The following ACSF2 variants were observed in gnomAD, a reference collection of about 807,000 sequenced individuals.
ACSF2 encodes acyl-CoA synthetase family member 2, also known as medium-chain acyl-CoA ligase ACSF2, mitochondrial.
A neutral mutation model predicts 79.3 loss-of-function variants in ACSF2; 52 were observed. That is an observed-to-expected ratio of 0.66 (90% CI 0.53 to 0.83). The LOEUF is 0.83. Among genes scored for constraint, ACSF2 ranks in the 40% least tolerant of loss-of-function variants. The pLI is 0.00. For synonymous variants in ACSF2, 283 were observed against 312.6 expected (o/e 0.91, Z 1.00); for missense variants, 661 against 803.3 (o/e 0.82, Z 2.14).
intron 3 of ACSF2, 67 bp from the exon 4 acceptor site, chr17:50,461,566 G>C: frequency 6.2e-7 from 1 of 1,609,030 alleles, no homozygotes; most frequent in East Asian, 2.2e-5. Flanking sequence ...GCCTCCTGGG[G>C]GCGGAGGGGC....
chr17:50,465,378 C>G (rs1223879895), intron 10 of ACSF2: 6 of 1,613,854 alleles, frequency 3.7e-6, no homozygotes, highest in Middle Eastern at 1.6e-4. Flanking sequence ...ATGTGCTGGC[C>G]CTTGAACTTG....
At chr17:50,436,035 A>G (rs947820734) in intron 1 of ACSF2, among the ~76,000 whole-genome samples, 1 of 151,976 alleles carries the variant, frequency 6.6e-6, no homozygotes, top group Non-Finnish European at 1.5e-5. Flanking sequence ...TTTTTTTTAC[A>G]CTTAAGTCTG....
chr17:50,439,232 C>CA (rs1296228793), intron 1 of ACSF2, among the ~76,000 whole-genome samples: 6 of 96,464 alleles, frequency 6.2e-5, no homozygotes, highest in African/African-American at 1.9e-4. Flanking sequence ...TACCACACAG[C>CA]TTTTTTTTTT....
At position 50,464,971 on chromosome 17, in the gene ACSF2, G is replaced by A. The variant is rs370271855; in HGVS notation, c.1215+677G>A. 5.3e-4 allele frequency: 203 copies of A among 380,136 alleles called. 1 individual carries two copies. Among genetic ancestry groups the A allele is most frequent in the African/African-American group, 3.8e-3 (182 of 48,422 alleles). 23.5% of individuals were successfully genotyped at this position (380,136 alleles called of 1,614,324 possible). On this transcript the variant is annotated intron_variant, in intron 10 of 15. Transcript: ENST00000300441. ...CATCAGCAGAGGCTGTGGGGAGAAG[G>A]TATGGGTGGAGGTGAGAAGGTCAGT...
chr17:50,474,460 C>T lies in ACSF2; in HGVS notation c.1798-42C>T. On this transcript the variant is annotated intron_variant, in intron 15 of 15. Coordinates refer to ENST00000300441, the MANE Select transcript of ACSF2 (RefSeq NM_025149.6). The surrounding 1 kb of genome is among the most constrained non-coding windows in gnomAD (Gnocchi z 4.2). The stretch of plus-strand genomic sequence containing the variant: ...GAGAAACCCCTTATTCTTGGGTGAA[C>T]CAAGACAGCTGGTAACCCTAACTCC... The T allele has an allele frequency of 6.2e-7, 1 of 1,607,900 alleles. No individual in the cohort carries two copies. The highest frequency in any genetic ancestry group is 8.5e-7 in the Non-Finnish European group (1 of 1,174,532).
At chr17:50,461,566 G>T in intron 3 of ACSF2, 67 bp from the exon 4 acceptor site, 1 of 1,609,030 alleles carries the variant, frequency 6.2e-7, no homozygotes, top group Non-Finnish European at 8.5e-7. Flanking sequence ...GCCTCCTGGG[G>T]GCGGAGGGGC....
intron 1 of ACSF2, among the ~76,000 whole-genome samples, chr17:50,454,223 G>GCTGGT (rs2031853230): frequency 6.8e-6 from 1 of 147,898 alleles, no homozygotes; most frequent in African/African-American, 2.5e-5. Context: ...TGTCACCCAG[G>GCTGGT]CTGGTCTCAA....
intron 1 of ACSF2, among the ~76,000 whole-genome samples, chr17:50,459,595 A>G (rs2032211395): frequency 6.6e-6 from 1 of 152,138 alleles, no homozygotes; most frequent in African/African-American, 2.4e-5. Context: ...TGGAGCAGTA[A>G]TGGAAGTGCA....
Position 50,462,240 on chromosome 17 carries a change from C to G in ACSF2, c.564C>G (p.Asn188Lys). ...AATTCAAGACCCAGCAATACTACAACGTCCTGAAGCAGATCTGTCCAGAAG... is the reference window on the plus strand; with the variant it reads ...AATTCAAGACCCAGCAATACTACAAGGTCCTGAAGCAGATCTGTCCAGAAG... ...PKQFKTQQYY[N>K]VLKQICPEVE... Residue 188 changes from asparagine (N) to lysine (K), a missense_variant, in exon 5 of 16, where the codon AAC (asparagine) becomes AAG (lysine). Coordinates refer to ENST00000300441, the MANE Select transcript of ACSF2 (RefSeq NM_025149.6). 1 of 1,614,052 alleles carries G rather than the reference C, an allele frequency of 6.2e-7. No homozygotes were observed. Among genetic ancestry groups the G allele is most frequent in the Non-Finnish European group, 8.5e-7 (1 of 1,180,000 alleles).
intron 10 of ACSF2, chr17:50,465,919 A>ATGAG: frequency 6.2e-7 from 1 of 1,606,542 alleles, no homozygotes; most frequent in Non-Finnish European, 8.5e-7. Context: ...TCATGAGTGA[A>ATGAG]TGAGTAAGCA....
intron 1 of ACSF2, among the ~76,000 whole-genome samples, chr17:50,451,286 T>C (rs1243940344): frequency 6.6e-6 from 1 of 152,178 alleles, no homozygotes; most frequent in Non-Finnish European, 1.5e-5. Context: ...GCATATATTA[T>C]AACTAGGAGT....
At chr17:50,456,311 G>C (rs1286622301) in intron 1 of ACSF2, among the ~76,000 whole-genome samples, 4 of 152,168 alleles carry the variant, frequency 2.6e-5, no homozygotes. Context: ...CAGGGCCAGT[G>C]ACCTGGAGCC....
chr17:50,438,042 A>G (rs1034347504), intron 1 of ACSF2, among the ~76,000 whole-genome samples: 1 of 152,186 alleles, frequency 6.6e-6, no homozygotes, highest in East Asian at 1.9e-4. Context: ...TACTTTTAGC[A>G]TGTCTCTGAA....
rs574016223 is a variant in ACSF2, at chr17:50,438,315, TG to T, written c.128+11927del. On this transcript the variant is annotated intron_variant, in intron 1 of 15. Transcript: ENST00000300441. ...GATCTAAGATATTAGTTTTACCTGC[TG>T]TATAGCAGTCCATCCTATGACTGTA... Among the ~76,000 whole-genome samples the T allele has an allele frequency of 1.6e-3, 241 of 152,360 alleles. 1 individual carries two copies. The highest frequency in any genetic ancestry group is 2.7e-3 in the Non-Finnish European group (185 of 68,028).
intron 10 of ACSF2, chr17:50,464,769 TGG>T: frequency 2.4e-5 from 4 of 164,226 alleles, no homozygotes; most frequent in Non-Finnish European, 3.6e-5. Context: ...CTGATTGACT[TGG>T]GGGGGGGGTC....
At chr17:50,460,273 G>A (rs1016797547) in intron 1 of ACSF2, 4 of 460,688 alleles carry the variant, frequency 8.7e-6, no homozygotes, top group African/African-American at 8.0e-5. Context: ...CCAGGGTCCA[G>A]GCACGCTTCC....
chr17:50,426,521 C>G (rs1241658049), intron 1 of ACSF2, 132 bp downstream of exon 1: 1 of 1,116,264 alleles, frequency 9.0e-7, no homozygotes, highest in Non-Finnish European at 1.2e-6. Flanking sequence ...CCTCCCCCGC[C>G]CCCCGCCAGC....
At chr17:50,461,451 A>G in intron 3 of ACSF2, 81 bp downstream of exon 3, 2 of 1,602,994 alleles carry the variant, frequency 1.2e-6, no homozygotes, top group South Asian at 2.2e-5. Flanking sequence ...CCTCAGCCCC[A>G]GGATCAAACC....
chr17:50,468,767 A>G, intron 10 of ACSF2: 1 of 1,587,082 alleles, frequency 6.3e-7, no homozygotes, highest in Non-Finnish European at 8.5e-7. Flanking sequence ...CGCCGGCAGC[A>G]GACCAGCCAG....
Sources: allele counts gnomAD v4.1 joint callset (sites outside exome capture counted in the v4.1 genomes callset), GRCh38; gene constraint gnomAD v4.1.1; non-coding constraint Gnocchi (gnomAD v3.1); transcripts MANE v1.5; gene names NCBI Gene and HGNC (gene_info 2026-07-23, HGNC 2026-07-21).